Variants in SIRT3 observed in about 807,000 individuals in gnomAD.
SIRT3 encodes the protein sirtuin 3.
A neutral mutation model predicts 33.5 loss-of-function variants in SIRT3; 26 were observed. The observed-to-expected ratio is 0.78, with a 90% CI of 0.57 to 1.08. The LOEUF is 1.08. Among genes scored for constraint, SIRT3 ranks in the 50% least tolerant of loss-of-function variants. SIRT3 has a pLI of 0.00. For missense variants in SIRT3, 585 were observed against 530.1 expected, an observed-to-expected ratio of 1.10 and a Z score of -1.02; for synonymous variants, 237 against 222.1, an observed-to-expected ratio of 1.07 and a Z score of -0.60.
Position 233,174 on chromosome 11 carries a change from TC to T in SIRT3, c.514del (p.Asp172IlefsTer101). 4 of 1,613,872 alleles carry T rather than the reference TC, an allele frequency of 2.5e-6. No individual in the cohort carries two copies. Among genetic ancestry groups the T allele is most frequent in the East Asian group, 2.2e-5 (1 of 44,868 alleles). ...AAAAATGGCCTCGGGGTACGGGAGA[TC>T]GTACTGCTGGAGGTTGCTGTACAGG... is the stretch of plus-strand genomic sequence containing the variant. ...SGLYSNLQQYDLPYPEAIFEL... is the reference protein window; with the variant it reads ...SGLYSNLQQYXLPYPEAIFEL... On this transcript the variant is annotated frameshift_variant, in exon 3 of 7. Coordinates refer to ENST00000382743, the MANE Select transcript of SIRT3 (RefSeq NM_012239.6). LOFTEE classifies it high-confidence loss of function.
At chr11:236,424 C>T (rs1318221987), upstream of SIRT3, 4 of 845,424 alleles carry the variant, frequency 4.7e-6, no homozygotes, top group African/African-American at 1.9e-5. Flanking sequence ...GCCCCAGCCC[C>T]GCCTCCGCCT....
chr11:234,745 T>G (rs1288927647), intron 1 of SIRT3, among the ~76,000 whole-genome samples: 1 of 151,354 alleles, frequency 6.6e-6, no homozygotes, highest in Non-Finnish European at 1.5e-5. Context: ...TTTTGCAGAG[T>G]ATCACAGATA....
intron 4 of SIRT3, among the ~76,000 whole-genome samples, chr11:224,998 A>G (rs1856966240): frequency 6.6e-6 from 1 of 152,040 alleles, no homozygotes; most frequent in Non-Finnish European, 1.5e-5. Context: ...GATTTCAGAT[A>G]TTCTTGGATA....
At chr11:231,308 T>C (rs559819896) in intron 3 of SIRT3, among the ~76,000 whole-genome samples, 71 of 152,216 alleles carry the variant, frequency 4.7e-4, no homozygotes, top group African/African-American at 1.6e-3. Context: ...TGGTAGTGCA[T>C]GCCCGTAGTC....
chr11:236,440 C>A, upstream of SIRT3: 1 of 692,406 alleles, frequency 1.4e-6, no homozygotes, highest in Middle Eastern at 6.8e-4. Context: ...CGCCTACCGC[C>A]CCCGCCCCCG....
chr11:230,905 T>C (rs2133917152), intron 3 of SIRT3, among the ~76,000 whole-genome samples: 1 of 152,108 alleles, frequency 6.6e-6, no homozygotes, highest in South Asian at 2.1e-4. Context: ...GGGCAGATCA[T>C]TTGAGGCTAG....
intron 5 of SIRT3, among the ~76,000 whole-genome samples, chr11:220,715 C>T (rs1264163074): frequency 6.6e-6 from 1 of 152,238 alleles, no homozygotes; most frequent in Non-Finnish European, 1.5e-5. Flanking sequence ...TCAGCATTTA[C>T]CCTTCAGGAG....
Position 232,186 on chromosome 11 carries a change from C to T in SIRT3, c.706+797G>A, listed in dbSNP as rs574286098. Among the ~76,000 whole-genome samples the T allele has an allele frequency of 2.0e-5, 3 of 152,164 alleles. No homozygotes were observed. The South Asian group carries it at 6.2e-4, about 32-fold the overall frequency. On this transcript the variant is annotated intron_variant, in intron 3 of 6. Coordinates refer to ENST00000382743, the MANE Select transcript of SIRT3 (RefSeq NM_012239.6). The stretch of plus-strand genomic sequence containing the variant: ...AGGCTGGAGTGAAGTGGCACGATCT[C>T]GGCTCACTGCAACCTCCGCCTGCTG...
chr11:229,360 G>A (rs1203773506), intron 4 of SIRT3, among the ~76,000 whole-genome samples: 1 of 152,140 alleles, frequency 6.6e-6, no homozygotes, highest in South Asian at 2.1e-4. Context: ...CAGGAGAATC[G>A]CTTGAACCCA....
At chr11:217,897 A>G (rs1241378042) in intron 6 of SIRT3, among the ~76,000 whole-genome samples, 3 of 152,220 alleles carry the variant, frequency 2.0e-5, no homozygotes, top group African/African-American at 7.2e-5. Flanking sequence ...TAACTGAATC[A>G]TGGGGGCGGG....
In SIRT3 at chr11:215,220, G is replaced by A. The variant is rs200391532; in HGVS notation, c.*1478C>T. 1.5e-3 allele frequency: 224 copies of A among 153,000 alleles called. No homozygotes were observed. The highest frequency in any genetic ancestry group is 4.4e-3 in the Admixed American group (68 of 15,406). The allele number at this position is 153,000 out of a possible 1,614,324, so 9.5% of individuals were successfully genotyped here. The stretch of plus-strand genomic sequence containing the variant: ...GTGGATCACTTGAAGCCAGGAGTTC[G>A]AGACCAGCCTGGCCAACATAGCAAA... On this transcript the variant is annotated 3_prime_UTR_variant, in exon 7 of 7. Transcript: ENST00000382743.
At chr11:236,491 G>A (rs1859183097), upstream of SIRT3, 3 of 290,410 alleles carry the variant, frequency 1.0e-5, no homozygotes, top group Non-Finnish European at 1.5e-5. Flanking sequence ...CCGCCTCCTT[G>A]CCGACGCCTC....
chr11:233,256 G>A (rs781657059), intron 2 of SIRT3, 41 bp from the exon 3 acceptor site: 3 of 1,605,234 alleles, frequency 1.9e-6, no homozygotes, highest in African/African-American at 1.3e-5. Flanking sequence ...TTTGGAAGAG[G>A]ACAGGGAAGT....
At chr11:222,013 A>C (rs981477350) in intron 5 of SIRT3, among the ~76,000 whole-genome samples, 1 of 152,228 alleles carries the variant, frequency 6.6e-6, no homozygotes, top group African/African-American at 2.4e-5. Flanking sequence ...GACACACATG[A>C]TACACTTATA....
At chr11:219,920 CATCATA>C (rs1399339546) in intron 5 of SIRT3, among the ~76,000 whole-genome samples, 1 of 152,092 alleles carries the variant, frequency 6.6e-6, no homozygotes, top group African/African-American at 2.4e-5. Flanking sequence ...AACCTCTCAT[CATCATA>C]AACTGCAAAA....
chr11:227,358 A>C (rs560047394), intron 4 of SIRT3, among the ~76,000 whole-genome samples: 30 of 151,640 alleles, frequency 2.0e-4, no homozygotes, highest in Admixed American at 3.9e-4. Context: ...GAATCGCTTG[A>C]ACCTGAGAGG....
intron 3 of SIRT3, among the ~76,000 whole-genome samples, chr11:232,242 C>T (rs1257853658): frequency 2.0e-5 from 3 of 152,034 alleles, no homozygotes; most frequent in Admixed American, 6.6e-5. Context: ...CTCAGCCTCC[C>T]GAGTACCTGG....
At chr11:233,870 A>C (rs2133944229) in intron 1 of SIRT3, 1 of 216,464 alleles carries the variant, frequency 4.6e-6, no homozygotes, top group East Asian at 1.2e-4. Flanking sequence ...TAAGGAGTCA[A>C]GAAGCAAAGA....
At chr11:227,118 C>T (rs756225574) in intron 4 of SIRT3, among the ~76,000 whole-genome samples, 4 of 151,108 alleles carry the variant, frequency 2.6e-5, no homozygotes, top group Non-Finnish European at 5.9e-5. Context: ...GGAGAAACCG[C>T]AAAACTCCAA....
Sources: gnomAD v4.1 joint callset for allele counts (sites outside exome capture counted in the v4.1 genomes callset) on GRCh38, gnomAD v4.1.1 for gene constraint, MANE v1.5 for transcripts, NCBI Gene and HGNC (gene_info 2026-07-23, HGNC 2026-07-21) for gene names.